The following GRB10 variants were observed in gnomAD, a reference collection of about 807,000 sequenced individuals.
GRB10 encodes growth factor receptor bound protein 10.
In GRB10, 20 loss-of-function variants were observed where a neutral mutation model predicts 80.9. That is an observed-to-expected ratio of 0.25 (90% CI 0.17 to 0.36). The LOEUF is 0.36. GRB10 is among the 10% of genes least tolerant of loss of function. GRB10 has a pLI of 1.00. For missense variants in GRB10, 548 were observed against 747.7 expected, an observed-to-expected ratio of 0.73 and a Z score of 3.12; for synonymous variants, 291 against 291.5, an observed-to-expected ratio of 1.00 and a Z score of 0.02.
intron 17 of GRB10, among the ~76,000 whole-genome samples, chr7:50,600,377 T>C (rs1256941568): frequency 1.3e-5 from 2 of 152,174 alleles, no homozygotes; most frequent in Non-Finnish European, 2.9e-5. Flanking sequence ...AAAGCTGACA[T>C]CTTGAGTAAG....
chr7:50,617,487 G>C (rs2050864726), intron 10 of GRB10, among the ~76,000 whole-genome samples: 1 of 152,194 alleles, frequency 6.6e-6, no homozygotes, highest in Non-Finnish European at 1.5e-5. Context: ...GTGTGTGTGA[G>C]AGCTGGGCAC....
At chr7:50,617,262 G>T (rs2050815865) in intron 10 of GRB10, among the ~76,000 whole-genome samples, 1 of 152,222 alleles carries the variant, frequency 6.6e-6, no homozygotes, top group African/African-American at 2.4e-5. Flanking sequence ...TTTAGATGCT[G>T]AAACAAATTT....
At chr7:50,792,671 G>A (rs1322243519) in intron 1 of GRB10, 1 of 388,492 alleles carries the variant, frequency 2.6e-6, no homozygotes, top group Non-Finnish European at 4.5e-6. Context: ...CTCCGTACGA[G>A]GCTGGGCCGG....
chr7:50,767,839 G>C (rs1247909558), intron 2 of GRB10, among the ~76,000 whole-genome samples: 1 of 152,126 alleles, frequency 6.6e-6, no homozygotes, highest in African/African-American at 2.4e-5. Context: ...CTACCACTTT[G>C]CTCCTGTGTT....
At chr7:50,669,700 C>T in intron 7 of GRB10, 22 bp downstream of exon 7, 1 of 1,610,246 alleles carries the variant, frequency 6.2e-7, no homozygotes, top group Non-Finnish European at 8.5e-7. Flanking sequence ...TCAGCCTGGG[C>T]TCCAGCCAGG....
chr7:50,708,954 G>A (rs769628641), intron 4 of GRB10, among the ~76,000 whole-genome samples: 3 of 152,290 alleles, frequency 2.0e-5, no homozygotes, highest in Non-Finnish European at 2.9e-5. Context: ...GATTACAGGC[G>A]TGAGCCACAG....
At chr7:50,597,034 T>G (rs548354812) in intron 17 of GRB10, among the ~76,000 whole-genome samples, 5 of 152,216 alleles carry the variant, frequency 3.3e-5, no homozygotes, top group African/African-American at 1.2e-4. Context: ...ATCAGCAAAA[T>G]CACCAGGTCT....
chr7:50,593,171 C>T, intron 18 of GRB10, 73 bp from the exon 19 acceptor site: 2 of 1,527,508 alleles, frequency 1.3e-6, no homozygotes, highest in Non-Finnish European at 1.8e-6. Flanking sequence ...CCACGGCCAG[C>T]AGCAGCTACA....
intron 9 of GRB10, 92 bp from the exon 10 acceptor site, chr7:50,618,231 CT>C: frequency 1.1e-6 from 1 of 947,348 alleles, no homozygotes; most frequent in Non-Finnish European, 1.7e-6. Flanking sequence ...AAAACTATTC[CT>C]ACCAGTATAA....
chr7:50,612,868 G>T, intron 12 of GRB10, 29 bp from the exon 13 acceptor site: 1 of 1,454,290 alleles, frequency 6.9e-7, no homozygotes, highest in Non-Finnish European at 9.6e-7. Flanking sequence ...AGTCCTGTTA[G>T]TGTTACACAG....
At position 50,635,955 on chromosome 7, in the gene GRB10, T is replaced by C. The variant is rs1315856946; in HGVS notation, c.505-8977A>G. ...TGGATCCACAGCTTTTTTTTTTTTT[T>C]CCTTTCCTTTTTTTTTTTTTTTTTT... On this transcript the variant is annotated intron_variant, in intron 7 of 18. Transcript: ENST00000401949. 2.9e-3 allele frequency among the ~76,000 whole-genome samples: 312 copies of C among 107,540 alleles called. 2 individuals carry two copies. The highest frequency in any genetic ancestry group is 9.9e-3 in the African/African-American group (297 of 29,870). The allele number at this position is 107,540 out of a possible 152,430, so 70.6% of individuals were successfully genotyped here.
At chr7:50,701,995 T>C (rs1331097771) in intron 5 of GRB10, among the ~76,000 whole-genome samples, 3 of 152,256 alleles carry the variant, frequency 2.0e-5, no homozygotes, top group Non-Finnish European at 2.9e-5. Flanking sequence ...GACTGCTTCA[T>C]GTGCTTTTGG....
intron 13 of GRB10, 75 bp from the exon 14 acceptor site, chr7:50,606,489 G>A (rs1005380126): frequency 6.7e-6 from 7 of 1,042,308 alleles, no homozygotes; most frequent in African/African-American, 4.7e-5. Context: ...GCCACAGCAG[G>A]AAAGGGCAAT....
chr7:50,690,348 G>A lies in GRB10; in HGVS notation c.139+13473C>T, dbSNP rs544418000. Among the ~76,000 whole-genome samples the A allele has an allele frequency of 8.6e-4, 131 of 151,948 alleles. 1 individual carries two copies. In the South Asian group the frequency reaches 0.011, roughly 13 times the overall value. On this transcript the variant is annotated intron_variant, in intron 5 of 18. Transcript: ENST00000401949. The stretch of plus-strand genomic sequence containing the variant: ...AAAAAACAGAAAAAAAAGAAAAAAA[G>A]GTTAATTTAGGCAAAGTACAATATA...
intron 2 of GRB10, among the ~76,000 whole-genome samples, chr7:50,759,049 TG>T (rs2075428035): frequency 6.6e-6 from 1 of 151,842 alleles, no homozygotes; most frequent in African/African-American, 2.4e-5. Context: ...AAAAATTAGC[TG>T]GGTGTGGTGG....
intron 2 of GRB10, among the ~76,000 whole-genome samples, chr7:50,766,623 C>T (rs1053383690): frequency 1.3e-5 from 2 of 152,024 alleles, no homozygotes; most frequent in African/African-American, 4.8e-5. Flanking sequence ...AGTGGAGAGG[C>T]GTGCACAGTT....
rs985574793 is a variant in GRB10, at chr7:50,727,475, A to G, written c.51+4797T>C. 1.3e-5 allele frequency among the ~76,000 whole-genome samples: 2 copies of G among 152,352 alleles called. 1 individual carries two copies. The highest frequency in any genetic ancestry group is 4.1e-4 in the South Asian group (2 of 4,834). ...GTAAGCGAACAAACAAATTAGTCAA[A>G]GTTACTTAGAACATTTAAAGAATAG... On this transcript the variant is annotated intron_variant, in intron 4 of 18. Coordinates refer to ENST00000401949, the MANE Select transcript of GRB10 (RefSeq NM_001350814.2).
At chr7:50,697,650 C>T (rs995075082) in intron 5 of GRB10, among the ~76,000 whole-genome samples, 1 of 152,170 alleles carries the variant, frequency 6.6e-6, no homozygotes, top group African/African-American at 2.4e-5. Flanking sequence ...TCTGATTATG[C>T]CTCGAAAATT....
In GRB10 at chr7:50,739,451, C is replaced by T. The variant is rs1344828826; in HGVS notation, c.-46-7083G>A. ...ATAGTCAAATAGACATCTTCTAACC[C>T]AATGCCAGTAAGCAGATGACCAAAT... On this transcript the variant is annotated intron_variant, in intron 3 of 18. Coordinates refer to ENST00000401949, the MANE Select transcript of GRB10 (RefSeq NM_001350814.2). Among the ~76,000 whole-genome samples, 5 of 152,162 alleles carry T rather than the reference C, an allele frequency of 3.3e-5. No homozygotes were observed. The East Asian group carries it at 7.7e-4, about 23-fold the overall frequency.
Sources: allele counts gnomAD v4.1 joint callset (sites outside exome capture counted in the v4.1 genomes callset), GRCh38; gene constraint gnomAD v4.1.1; transcripts MANE v1.5; gene names NCBI Gene and HGNC (gene_info 2026-07-23, HGNC 2026-07-21).